The following KLHL1 variants were observed in gnomAD, a reference collection of about 807,000 sequenced individuals.
The protein encoded by KLHL1 is kelch like family member 1, also known as kelch-like protein 1.
In KLHL1, 47 loss-of-function variants were observed where a neutral mutation model predicts 77.7. That is an observed-to-expected ratio of 0.60 (90% CI 0.48 to 0.77). The LOEUF is 0.77. KLHL1 is among the 30% of genes least tolerant of loss of function. KLHL1 has a pLI of 0.00. For synonymous variants in KLHL1, 360 were observed against 325.2 expected, an observed-to-expected ratio of 1.11 and a Z score of -1.15; for missense variants, 925 against 910.8, an observed-to-expected ratio of 1.02 and a Z score of -0.20.
chr13:70,007,696 C>A (rs751082786), intron 1 of KLHL1, among the ~76,000 whole-genome samples: 2 of 151,906 alleles, frequency 1.3e-5, no homozygotes, highest in South Asian at 4.1e-4. Flanking sequence ...ATAATTTCAA[C>A]TTTCCTAGTA....
At chr13:69,788,789 A>C (rs989387543) in intron 7 of KLHL1, among the ~76,000 whole-genome samples, 5 of 152,130 alleles carry the variant, frequency 3.3e-5, no homozygotes, top group African/African-American at 1.2e-4. Context: ...TGATGAATAA[A>C]ATGAAGATTT....
At chr13:69,825,547 T>G (rs1878511380) in intron 6 of KLHL1, among the ~76,000 whole-genome samples, 1 of 152,190 alleles carries the variant, frequency 6.6e-6, no homozygotes, top group South Asian at 2.1e-4. Context: ...TTATATTTTG[T>G]ATTTTAATGA....
chr13:69,725,895 A>G (rs1259599953), intron 8 of KLHL1, among the ~76,000 whole-genome samples: 1 of 152,108 alleles, frequency 6.6e-6, no homozygotes, highest in Non-Finnish European at 1.5e-5. Flanking sequence ...TTCTAGCCCT[A>G]TGTAGCATGG....
At chr13:69,743,824 G>GA (rs10608243) in intron 7 of KLHL1, among the ~76,000 whole-genome samples, 4,111 of 134,694 alleles carry the variant, frequency 0.031, 131 homozygotes, top group African/African-American at 0.083. Flanking sequence ...CAAAAAAACA[G>GA]AAAAAAAAAA....
intron 7 of KLHL1, 100 bp from the exon 8 acceptor site, chr13:69,740,656 C>A (rs1873952074): frequency 6.4e-6 from 5 of 785,678 alleles, no homozygotes; most frequent in East Asian, 2.8e-5. Context: ...GTGTCCCTAA[C>A]ATAATAAAAT....
At chr13:70,011,857 G>C (rs1479676419) in intron 1 of KLHL1, among the ~76,000 whole-genome samples, 1 of 152,110 alleles carries the variant, frequency 6.6e-6, no homozygotes, top group African/African-American at 2.4e-5. Flanking sequence ...ACATACCTAA[G>C]ACTGAGCAAT....
At chr13:69,861,257 AG>A (rs1168691757) in intron 5 of KLHL1, among the ~76,000 whole-genome samples, 1 of 152,104 alleles carries the variant, frequency 6.6e-6, no homozygotes, top group African/African-American at 2.4e-5. Flanking sequence ...CTGCTGAAAA[AG>A]TCTGTTTATT....
At chr13:69,746,491 T>C (rs1184955369) in intron 7 of KLHL1, among the ~76,000 whole-genome samples, 1 of 152,046 alleles carries the variant, frequency 6.6e-6, no homozygotes, top group Non-Finnish European at 1.5e-5. Flanking sequence ...TAAGGTTCTT[T>C]CGGTTACAAT....
At chr13:69,751,766 T>C (rs1215863766) in intron 7 of KLHL1, among the ~76,000 whole-genome samples, 1 of 152,084 alleles carries the variant, frequency 6.6e-6, no homozygotes, top group East Asian at 1.9e-4. Flanking sequence ...TTTCAAAAAA[T>C]GTCACACTGG....
At chr13:69,974,151 A>C (rs549640346) in intron 2 of KLHL1, among the ~76,000 whole-genome samples, 317 of 152,082 alleles carry the variant, frequency 2.1e-3, no homozygotes, top group African/African-American at 6.7e-3. Flanking sequence ...AGAAAATATA[A>C]AATTTTATTT....
At chr13:70,019,492 G>A (rs1749478283) in intron 1 of KLHL1, among the ~76,000 whole-genome samples, 2 of 152,166 alleles carry the variant, frequency 1.3e-5, no homozygotes, top group South Asian at 4.1e-4. Flanking sequence ...TAGTGGGAGG[G>A]CAGAGGCTTT....
chr13:69,780,716 G>C (rs1559464), intron 7 of KLHL1, among the ~76,000 whole-genome samples: 1 of 47,696 alleles, frequency 2.1e-5, no homozygotes, highest in Non-Finnish European at 3.8e-5. Context: ...ATATATATAT[G>C]TATATATATA....
intron 6 of KLHL1, among the ~76,000 whole-genome samples, chr13:69,806,642 A>G (rs1465839954): frequency 3.3e-5 from 5 of 152,188 alleles, no homozygotes; most frequent in African/African-American, 1.2e-4. Context: ...CAGCTTTAAC[A>G]ATCTGGGCCA....
intron 9 of KLHL1, among the ~76,000 whole-genome samples, chr13:69,712,929 C>T (rs1232310834): frequency 1.3e-5 from 2 of 151,830 alleles, no homozygotes; most frequent in African/African-American, 2.4e-5. Context: ...TCCACCTTAA[C>T]CTCCAGAGTA....
intron 1 of KLHL1, among the ~76,000 whole-genome samples, chr13:69,986,146 A>G (rs1009555246): frequency 5.3e-5 from 8 of 151,842 alleles, no homozygotes; most frequent in Non-Finnish European, 1.0e-4. Context: ...CATGTAAGTA[A>G]AGAGTAGAAT....
chr13:69,984,137 T>C (rs1282480871), intron 1 of KLHL1, among the ~76,000 whole-genome samples: 1 of 152,042 alleles, frequency 6.6e-6, no homozygotes, highest in African/African-American at 2.4e-5. Flanking sequence ...ACAGAAAACA[T>C]ATGTACAAAT....
At position 69,762,364 on chromosome 13, in the gene KLHL1, C is replaced by T. The variant is rs115299584; in HGVS notation, c.1640-21808G>A. Among the ~76,000 whole-genome samples, 967 of 152,086 alleles carry T rather than the reference C, an allele frequency of 6.4e-3. 10 individuals carry two copies. The highest frequency in any genetic ancestry group is 0.021 in the African/African-American group (878 of 41,516). On this transcript the variant is annotated intron_variant, in intron 7 of 10. Coordinates refer to ENST00000377844, the MANE Select transcript of KLHL1 (RefSeq NM_020866.3). ...GGAAGGCCTATCCCTAAAATTAGATCAGCTTCTCGACTCTGATATGACTAA... is the reference window on the plus strand; with the variant it reads ...GGAAGGCCTATCCCTAAAATTAGATTAGCTTCTCGACTCTGATATGACTAA...
intron 1 of KLHL1, among the ~76,000 whole-genome samples, chr13:70,073,973 G>A (rs1023246749): frequency 6.6e-6 from 1 of 151,858 alleles, no homozygotes; most frequent in African/African-American, 2.4e-5. Context: ...TTATGGGCAT[G>A]AGAAACCACA....
rs77218935 is a variant in KLHL1 at position 69,853,045 on chromosome 13, G to T, written c.1228-13883C>A. Among the ~76,000 whole-genome samples, 70 of 152,016 alleles carry T rather than the reference G, an allele frequency of 4.6e-4. 4 individuals carry two copies. In the East Asian group the frequency reaches 0.013, roughly 29 times the overall value. On this transcript the variant is annotated intron_variant, in intron 5 of 10. Transcript: ENST00000377844. ...ATTTTCTAGTACTTACAGTTAAGCC[G>T]CAGTATATTAGGCTGTGCTGAGAAA... is the stretch of plus-strand genomic sequence containing the variant.
Sources: allele counts gnomAD v4.1 joint callset (sites outside exome capture counted in the v4.1 genomes callset), GRCh38; gene constraint gnomAD v4.1.1; transcripts MANE v1.5; gene names NCBI Gene and HGNC (gene_info 2026-07-23, HGNC 2026-07-21).